Variants in PIN4 observed in about 807,000 individuals in gnomAD.
PIN4 encodes peptidyl-prolyl cis-trans isomerase NIMA-interacting 4.
A neutral mutation model predicts 8.3 loss-of-function variants in PIN4; 3 were observed. The observed-to-expected ratio is 0.36, with a 90% confidence interval of 0.16 to 0.93. PIN4 has a LOEUF of 0.93. PIN4 is among the 40% of genes least tolerant of loss of function. The pLI, the probability that PIN4 is intolerant of heterozygous loss-of-function variation, is 0.44. For synonymous variants in PIN4, 18 were observed against 32.5 expected, an observed-to-expected ratio of 0.55 and a Z score of 1.52; for missense variants, 75 against 100.6, an observed-to-expected ratio of 0.75 and a Z score of 1.09.
intron 2 of PIN4, among the ~76,000 whole-genome samples, chrX:72,193,805 G>A (rs1602429589): frequency 9.2e-6 from 1 of 108,827 alleles, no homozygotes; most frequent in African/African-American, 3.4e-5. Context: ...CCTGGGAGGC[G>A]GAGGTTGCAG....
chrX:72,252,833 C>CATGGTTCATAACACA, intron 3 of PIN4, among the ~76,000 whole-genome samples: 1 of 112,102 alleles, frequency 8.9e-6, no homozygotes, highest in South Asian at 3.8e-4. Flanking sequence ...AGGGACACAA[C>CATGGTTCATAACACA]GCATGGTTCA....
intron 3 of PIN4, among the ~76,000 whole-genome samples, chrX:72,248,751 C>A (rs756120787): frequency 1.8e-5 from 2 of 111,510 alleles, no homozygotes; most frequent in Non-Finnish European, 3.8e-5. Context: ...GTGGTGCACA[C>A]CTGTGATTCC....
At chrX:72,254,633 T>C (rs2043101777) in intron 3 of PIN4, among the ~76,000 whole-genome samples, 1 of 112,244 alleles carries the variant, frequency 8.9e-6, no homozygotes, top group Non-Finnish European at 1.9e-5. Flanking sequence ...AAGGGTTGTT[T>C]TTCAAGTCCC....
intron 3 of PIN4, among the ~76,000 whole-genome samples, chrX:72,222,595 CTT>C (rs758259884): frequency 0.01 from 886 of 85,011 alleles, 11 homozygotes; most frequent in African/African-American, 0.033. Flanking sequence ...AGAATCCAGC[CTT>C]TTTTTTTTTT....
intron 3 of PIN4, among the ~76,000 whole-genome samples, chrX:72,233,883 G>A (rs1194854430): frequency 2.7e-5 from 3 of 109,527 alleles, no homozygotes; most frequent in African/African-American, 1.0e-4. Flanking sequence ...GGGAGGCTGA[G>A]GCAGGTGAAT....
chrX:72,255,590 C>T (rs1183683141), intron 3 of PIN4: 3 of 111,329 alleles, frequency 2.7e-5, no homozygotes, highest in Non-Finnish European at 5.6e-5. Flanking sequence ...GGCGCCCGGC[C>T]GTTGCTATGG....
intron 3 of PIN4, among the ~76,000 whole-genome samples, chrX:72,231,421 G>A (rs2042982552): frequency 9.0e-6 from 1 of 111,500 alleles, no homozygotes; most frequent in East Asian, 2.8e-4. Context: ...GGGTAGATGG[G>A]GAAAGGAGAA....
chrX:72,196,278 G>A (rs1169295188), intron 2 of PIN4, among the ~76,000 whole-genome samples: 4 of 111,006 alleles, frequency 3.6e-5, no homozygotes, highest in Non-Finnish European at 7.5e-5. Context: ...GCTCACGCCT[G>A]TAATCCCAGC....
At chrX:72,222,595 CTTT>C (rs758259884) in intron 3 of PIN4, among the ~76,000 whole-genome samples, 7 of 85,033 alleles carry the variant, frequency 8.2e-5, no homozygotes, top group African/African-American at 9.2e-5. Context: ...AGAATCCAGC[CTTT>C]TTTTTTTTTT....
At chrX:72,234,949 A>C (rs2043007597) in intron 3 of PIN4, among the ~76,000 whole-genome samples, 1 of 111,688 alleles carries the variant, frequency 9.0e-6, no homozygotes, top group African/African-American at 3.3e-5. Context: ...GCCAGGCAGC[A>C]TGAAGGGCCT....
chrX:72,206,203 T>C (rs2042818949), intron 3 of PIN4: 19 of 1,211,791 alleles, frequency 1.6e-5, no homozygotes, highest in Non-Finnish European at 2.0e-5. Flanking sequence ...TTGCAGTGCC[T>C]CTTGCTTAGG....
At chrX:72,225,430 A>AT (rs979249916) in intron 3 of PIN4, among the ~76,000 whole-genome samples, 2 of 111,565 alleles carry the variant, frequency 1.8e-5, no homozygotes, top group Non-Finnish European at 3.8e-5. Flanking sequence ...AGGCTTTTAC[A>AT]TTTTTTGTCT....
rs2042694816 is a variant in PIN4 at position 72,185,155 on chromosome X, A to AAAAAAAC, written c.44-1300_44-1299insCAAAAAA. On this transcript the variant is annotated intron_variant, in intron 1 of 3. Coordinates refer to ENST00000373669, the MANE Select transcript of PIN4 (RefSeq NM_006223.4). ...AGAGCGAGACTCCGTCTCAAAAAAA[A>AAAAAAAC]AAAAAAAAAAACAACTTTTCAATGG... 1.9e-5 allele frequency among the ~76,000 whole-genome samples: 2 copies of AAAAAAAC among 103,802 alleles called. 1 individual carries two copies. Among genetic ancestry groups the AAAAAAAC allele is most frequent in the South Asian group, 8.6e-4 (2 of 2,318 alleles). 90.1% of individuals were successfully genotyped at this position (103,802 alleles called of 115,157 possible).
intron 3 of PIN4, chrX:72,238,061 G>C (rs2043027582): frequency 9.0e-6 from 1 of 111,675 alleles, no homozygotes; most frequent in Non-Finnish European, 1.9e-5. Flanking sequence ...TTTCAGTTTT[G>C]CCACATGAGA....
downstream of PIN4, among the ~76,000 whole-genome samples, chrX:72,201,081 G>A (rs1249558655): frequency 1.8e-5 from 2 of 110,565 alleles, no homozygotes; most frequent in African/African-American, 6.6e-5. Context: ...TGCCTGTAGT[G>A]TCTGCTCTTC....
At position 72,192,382 on chromosome X, in the gene PIN4, T is replaced by C. The variant is rs2042740474; in HGVS notation, c.118-4403T>C. ...TTTCCTCAGTCAGCCTGCTGTATTC[T>C]GGCTTCTGCACTTAAACTCTTCTGA... On this transcript the variant is annotated intron_variant, in intron 2 of 3. Transcript: ENST00000373669. Among the ~76,000 whole-genome samples the C allele has an allele frequency of 2.7e-5, 3 of 111,870 alleles. No homozygotes were observed. The South Asian group carries it at 1.1e-3, about 41-fold the overall frequency.
At chrX:72,197,317 C>G in intron 3 of PIN4, 51 bp from the exon 4 acceptor site, 6 of 1,118,551 alleles carry the variant, frequency 5.4e-6, no homozygotes, top group Non-Finnish European at 7.3e-6. Flanking sequence ...TACAGTAGAA[C>G]TGTTCCCTCT....
downstream of PIN4, among the ~76,000 whole-genome samples, chrX:72,201,535 G>A (rs1212492836): frequency 8.9e-6 from 1 of 111,751 alleles, no homozygotes; most frequent in East Asian, 2.8e-4. Flanking sequence ...CTTGAGCCCA[G>A]GAGGCGGAGG....
intron 3 of PIN4, among the ~76,000 whole-genome samples, chrX:72,252,156 T>A (rs187044377): frequency 0.014 from 1,512 of 109,157 alleles, 9 homozygotes; most frequent in Non-Finnish European, 0.021. Context: ...ATAAAAAAAA[T>A]TTTTTTTTGA....
Sources: allele counts gnomAD v4.1 joint callset (sites outside exome capture counted in the v4.1 genomes callset), GRCh38; gene constraint gnomAD v4.1.1; transcripts MANE v1.5; gene names NCBI Gene and HGNC (gene_info 2026-07-23, HGNC 2026-07-21).